TRIO: variants seen among roughly 807,000 people sequenced by gnomAD.
The protein encoded by TRIO is trio Rho guanine nucleotide exchange factor.
TRIO carries 58 observed loss-of-function variants against 351.9 expected under a neutral mutation model. That is an observed-to-expected ratio of 0.16 (90% CI 0.13 to 0.21). The LOEUF (loss-of-function observed/expected upper bound fraction) is 0.21. Among genes scored for constraint, TRIO ranks in the 10% least tolerant of loss-of-function variants. TRIO has a pLI of 1.00. For missense variants in TRIO, 3,201 were observed against 4,027.8 expected (o/e 0.79, Z 5.56); for synonymous variants, 1,758 against 1,595.7 (o/e 1.10, Z -2.42).
intron 6 of TRIO, among the ~76,000 whole-genome samples, 191 bp from the exon 7 acceptor site, chr5:14,296,881 A>G (rs1180109854): frequency 6.6e-6 from 1 of 152,214 alleles, no homozygotes; most frequent in Non-Finnish European, 1.5e-5. Flanking sequence ...AGAAATGGAA[A>G]CCAATACTTC....
chr5:14,289,185 A>G (rs1324426280), intron 4 of TRIO, among the ~76,000 whole-genome samples: 1 of 151,958 alleles, frequency 6.6e-6, no homozygotes, highest in African/African-American at 2.4e-5. Context: ...CAGGAGTTCG[A>G]GACAACCTGG....
chr5:14,325,025 C>T (rs1280412069), intron 9 of TRIO, among the ~76,000 whole-genome samples: 2 of 152,074 alleles, frequency 1.3e-5, no homozygotes, highest in African/African-American at 4.8e-5. Flanking sequence ...ACTGTATTGC[C>T]CTCCCAAGCA....
chr5:14,415,456 C>T (rs1389226051), intron 33 of TRIO, among the ~76,000 whole-genome samples: 2 of 152,092 alleles, frequency 1.3e-5, no homozygotes, highest in African/African-American at 4.8e-5. Flanking sequence ...GTGTCCAGGG[C>T]GGGGGTGTTC....
intron 7 of TRIO, 64 bp downstream of exon 7, chr5:14,297,327 T>G: frequency 1.3e-6 from 2 of 1,526,624 alleles, no homozygotes; most frequent in African/African-American, 2.7e-5. Flanking sequence ...CCATGAATAT[T>G]GGTGTGTGTG....
intron 1 of TRIO, among the ~76,000 whole-genome samples, chr5:14,267,768 T>G (rs1231827409): frequency 6.6e-6 from 1 of 152,120 alleles, no homozygotes; most frequent in Non-Finnish European, 1.5e-5. Context: ...CTTATTGGTT[T>G]TTTTTTTAAA....
rs953320591 is a variant in TRIO at position 14,460,152 on chromosome 5, G to A, written c.5204-867G>A. ...AGGATAGTCTCGATCTCCTGACCTC[G>A]TGATCCACCTGCCTCGGCCTCCCAA... On this transcript the variant is annotated intron_variant, in intron 34 of 56. Transcript: ENST00000344204. Among the ~76,000 whole-genome samples, 11 of 152,260 alleles carry A rather than the reference G, an allele frequency of 7.2e-5. No individual in the cohort carries two copies. In the South Asian group the frequency reaches 1.2e-3, roughly 17 times the overall value.
At chr5:14,182,370 A>G (rs988558961) in intron 1 of TRIO, among the ~76,000 whole-genome samples, 9 of 152,348 alleles carry the variant, frequency 5.9e-5, no homozygotes, top group African/African-American at 2.2e-4. Context: ...CTCACTCTTT[A>G]GAGATGCTTC....
At chr5:14,385,594 A>T (rs1346844029) in intron 21 of TRIO, among the ~76,000 whole-genome samples, 1 of 152,226 alleles carries the variant, frequency 6.6e-6, no homozygotes, top group Non-Finnish European at 1.5e-5. Flanking sequence ...TGCACATAAA[A>T]TGTCTCTGAA....
chr5:14,145,219 G>C (rs1561131435), intron 1 of TRIO, among the ~76,000 whole-genome samples: 1 of 152,338 alleles, frequency 6.6e-6, no homozygotes, highest in South Asian at 2.1e-4. Context: ...CGGGTCACGA[G>C]GAGCAATTGC....
At chr5:14,354,239 T>G (rs1321447356) in intron 11 of TRIO, among the ~76,000 whole-genome samples, 1 of 152,280 alleles carries the variant, frequency 6.6e-6, no homozygotes, top group Non-Finnish European at 1.5e-5. Flanking sequence ...GTATGTGGAT[T>G]CTCTTCTGCT....
chr5:14,396,897 G>T, intron 28 of TRIO, 146 bp from the exon 29 acceptor site: 1 of 655,734 alleles, frequency 1.5e-6, no homozygotes, highest in South Asian at 1.9e-5. Flanking sequence ...AGAGGTAGTA[G>T]TTTATTTCTA....
intron 13 of TRIO, 91 bp from the exon 14 acceptor site, chr5:14,363,641 G>A (rs1744346133): frequency 3.2e-6 from 4 of 1,254,180 alleles, no homozygotes; most frequent in Non-Finnish European, 4.5e-6. Flanking sequence ...TCCTTTGGCA[G>A]AGAGACATCT....
At chr5:14,267,468 C>T (rs182958004) in intron 1 of TRIO, among the ~76,000 whole-genome samples, 35 of 152,182 alleles carry the variant, frequency 2.3e-4, no homozygotes, top group Admixed American at 1.7e-3. Context: ...GTTTGAGAAC[C>T]ACAGTTAGAT....
intron 1 of TRIO, among the ~76,000 whole-genome samples, chr5:14,167,097 A>G (rs1235817904): frequency 1.3e-5 from 2 of 151,496 alleles, no homozygotes; most frequent in Non-Finnish European, 2.9e-5. Flanking sequence ...GGGTTTGATC[A>G]GTCAATGGAG....
chr5:14,315,403 C>T (rs1305508930), intron 8 of TRIO, among the ~76,000 whole-genome samples: 1 of 152,052 alleles, frequency 6.6e-6, no homozygotes, highest in African/African-American at 2.4e-5. Flanking sequence ...CAGGTGCCCG[C>T]CACCACGCCC....
intron 1 of TRIO, among the ~76,000 whole-genome samples, chr5:14,235,177 A>G (rs1793689295): frequency 6.6e-6 from 1 of 152,236 alleles, no homozygotes; most frequent in South Asian, 2.1e-4. Context: ...TACTCAAAAT[A>G]TAAGGGAAAC....
intron 45 of TRIO, 160 bp downstream of exon 45, chr5:14,481,778 T>C: frequency 4.7e-6 from 3 of 634,276 alleles, no homozygotes; most frequent in Admixed American, 3.7e-5. Flanking sequence ...TTCCTTTTTT[T>C]TTTTTTTTTT....
chr5:14,502,513 C>A, intron 53 of TRIO, 66 bp from the exon 54 acceptor site: 1 of 1,552,622 alleles, frequency 6.4e-7, no homozygotes, highest in Non-Finnish European at 8.9e-7. Flanking sequence ...CAGTGCGTGG[C>A]GATAGCCTTC....
At chr5:14,374,850 G>T (rs564844951) in intron 19 of TRIO, among the ~76,000 whole-genome samples, 40 of 152,234 alleles carry the variant, frequency 2.6e-4, no homozygotes, top group African/African-American at 9.2e-4. Flanking sequence ...CCGTGTTTGT[G>T]TGTGTGTGTG....
Sources: gnomAD v4.1 joint callset for allele counts (sites outside exome capture counted in the v4.1 genomes callset) on GRCh38, gnomAD v4.1.1 for gene constraint, MANE v1.5 for transcripts, NCBI Gene and HGNC (gene_info 2026-07-23, HGNC 2026-07-21) for gene names.